SPTBN4: variants seen among roughly 807,000 people sequenced by gnomAD.
The protein encoded by SPTBN4 is spectrin beta, non-erythrocytic 4, also known as spectrin beta chain, non-erythrocytic 4.
A neutral mutation model predicts 277.8 loss-of-function variants in SPTBN4; 96 were observed. The observed-to-expected ratio is 0.35, with a 90% CI of 0.29 to 0.41. The LOEUF (loss-of-function observed/expected upper bound fraction) is 0.41. Among genes scored for constraint, SPTBN4 ranks in the 10% least tolerant of loss-of-function variants. The pLI is 1.00. For synonymous variants in SPTBN4, 1,481 were observed against 1,580.3 expected (o/e 0.94, Z 1.49); for missense variants, 3,006 against 3,595.7 (o/e 0.84, Z 4.19).
intron 21 of SPTBN4, 98 bp from the exon 22 acceptor site, chr19:40,550,140 G>A: frequency 1.0e-6 from 1 of 963,606 alleles, no homozygotes. Flanking sequence ...TCTTAGGCAA[G>A]GAAGGGCCTG....
rs957696637 is a variant in SPTBN4, at chr19:40,522,346, C to T, written c.3655-1091C>T. On this transcript the variant is annotated intron_variant, in intron 16 of 35. Transcript: ENST00000598249. ...CCCAGCCTTCAGTCTTCATAGTAAC[C>T]AATTTTTTTTTTTTTTTTTTTTGAG... Among the ~76,000 whole-genome samples, 6 of 120,208 alleles carry T rather than the reference C, an allele frequency of 5.0e-5. No individual in the cohort carries two copies. The East Asian group carries it at 6.9e-4, about 14-fold the overall frequency. The allele number at this position is 120,208 out of a possible 152,430, so 78.9% of individuals were successfully genotyped here.
intron 19 of SPTBN4, 97 bp from the exon 20 acceptor site, chr19:40,533,983 A>G (rs538107054): frequency 2.8e-6 from 4 of 1,421,410 alleles, no homozygotes; most frequent in East Asian, 4.9e-5. Context: ...CTCTTTTCAC[A>G]TCCTTCCCTG....
At chr19:40,569,936 CCACACACACACACACA>C (rs60074818) in intron 32 of SPTBN4, among the ~76,000 whole-genome samples, 5 of 131,574 alleles carry the variant, frequency 3.8e-5, no homozygotes, top group South Asian at 2.5e-4. Flanking sequence ...TACTGCCCCT[CCACACACACACACACA>C]CACACACACA....
chr19:40,558,947 T>TGATGATGATGATG (rs2081013697), intron 26 of SPTBN4, among the ~76,000 whole-genome samples: 4 of 146,164 alleles, frequency 2.7e-5, no homozygotes, highest in African/African-American at 1.0e-4. Context: ...TTATTATTAT[T>TGATGATGATGATG]ATGAGGCAGA....
chr19:40,496,441 C>T (rs931636446), intron 6 of SPTBN4, among the ~76,000 whole-genome samples: 4 of 151,852 alleles, frequency 2.6e-5, no homozygotes, highest in South Asian at 2.1e-4. Flanking sequence ...TGTGCCACCA[C>T]GCCCGGCTAA....
rs1040554534 is a variant in SPTBN4, at chr19:40,501,937, T to C, written c.801T>C (p.Ala267=). Residue 267 remains alanine (A), a synonymous_variant, in exon 8 of 36, where the codon GCT becomes GCC. Coordinates refer to ENST00000598249, the MANE Select transcript of SPTBN4 (RefSeq NM_020971.3). ...LLDPEDVNME[A]PDEKSIITYV... The stretch of plus-strand genomic sequence containing the variant: ...TGCTTCCAGATGTGAACATGGAGGC[T>C]CCAGATGAGAAGTCCATCATCACCT... The C allele has an allele frequency of 6.2e-7, 1 of 1,614,162 alleles. No homozygotes were observed. The highest frequency in any genetic ancestry group is 8.5e-7 in the Non-Finnish European group (1 of 1,180,022).
intron 17 of SPTBN4, among the ~76,000 whole-genome samples, chr19:40,527,702 G>T (rs1460650804): frequency 6.6e-6 from 1 of 152,190 alleles, no homozygotes; most frequent in Non-Finnish European, 1.5e-5. Context: ...GAGTGAGGGG[G>T]AAGAGTGCAA....
intron 27 of SPTBN4, 137 bp from the exon 28 acceptor site, chr19:40,565,286 G>GAA: frequency 3.5e-6 from 4 of 1,149,302 alleles, no homozygotes; most frequent in Non-Finnish European, 4.9e-6. Context: ...GAAAAGAAAA[G>GAA]AAAAGAAAAG....
intron 12 of SPTBN4, among the ~76,000 whole-genome samples, chr19:40,505,818 G>C (rs1454654466): frequency 6.6e-6 from 1 of 152,062 alleles, no homozygotes; most frequent in African/African-American, 2.4e-5. Flanking sequence ...AAGAGAAAAG[G>C]GTAGAAATGT....
At chr19:40,548,342 T>A (rs994875709) in intron 20 of SPTBN4, among the ~76,000 whole-genome samples, 1 of 151,774 alleles carries the variant, frequency 6.6e-6, no homozygotes, top group Non-Finnish European at 1.5e-5. Context: ...ACAAAAAAAA[T>A]TAGCAAGGCA....
At chr19:40,467,919 T>C (rs2079844621) in intron 1 of SPTBN4, among the ~76,000 whole-genome samples, 1 of 152,074 alleles carries the variant, frequency 6.6e-6, no homozygotes, top group Admixed American at 6.6e-5. Context: ...TCTGTCTGAC[T>C]CCAGAAGAGG....
rs139532514 is a variant in SPTBN4, at chr19:40,550,372, A to C, written c.4674+45A>C. ...GGAGCGAGTTAGGACATTTGGATAC[A>C]TGTGATAGAAACAGCTGAAGGTGGT... On this transcript the variant is annotated intron_variant, in intron 22 of 35. Transcript: ENST00000598249. 1.9e-6 allele frequency: 3 copies of C among 1,576,132 alleles called. No individual in the cohort carries two copies. The African/African-American group carries it at 4.0e-5, about 21-fold the overall frequency.
chr19:40,502,148 G>A lies in SPTBN4; in HGVS notation c.918G>A (p.Glu306=), dbSNP rs749633534. ...RIGKVLDQVL[E]VGKIIERYEE... is the part of the protein sequence containing the mutation. Reference sequence around the variant, plus strand: ...GTCAGGTCTTGGACCAGGTATTGGAGGTGGGGAAGATCATAGAACGCTACG... The same window carrying A: ...GTCAGGTCTTGGACCAGGTATTGGAAGTGGGGAAGATCATAGAACGCTACG... The change falls in exon 9 of 36, where the codon GAG becomes GAA. Residue 306 remains glutamate (E), a synonymous_variant. Coordinates refer to ENST00000598249, the MANE Select transcript of SPTBN4 (RefSeq NM_020971.3). The surrounding 1 kb of genome is among the most constrained non-coding windows in gnomAD (Gnocchi z 4.9). The A allele has an allele frequency of 3.1e-6, 5 of 1,613,856 alleles. No individual in the cohort carries two copies. In the South Asian group the frequency reaches 5.5e-5, roughly 18 times the overall value.
chr19:40,547,894 C>T (rs567050624), intron 20 of SPTBN4, among the ~76,000 whole-genome samples: 1 of 152,102 alleles, frequency 6.6e-6, no homozygotes, highest in Non-Finnish European at 1.5e-5. Context: ...TTTTCTCCAT[C>T]CCAACATTAT....
chr19:40,522,968 C>T (rs1289213570), intron 16 of SPTBN4, among the ~76,000 whole-genome samples: 2 of 151,946 alleles, frequency 1.3e-5, no homozygotes, highest in Admixed American at 1.3e-4. Flanking sequence ...CCCGTCTCTA[C>T]CAAAAATACA....
chr19:40,545,977 A>T (rs2080854333), intron 20 of SPTBN4, among the ~76,000 whole-genome samples: 3 of 150,568 alleles, frequency 2.0e-5, no homozygotes, highest in Admixed American at 6.7e-5. Context: ...CAGGAGGCAG[A>T]GCTTGGAGCT....
At chr19:40,572,891 G>A (rs1438801759) in intron 35 of SPTBN4, among the ~76,000 whole-genome samples, 3 of 152,124 alleles carry the variant, frequency 2.0e-5, no homozygotes, top group African/African-American at 7.2e-5. Flanking sequence ...CCTGGAAGGC[G>A]GAGGTTGCAG....
In SPTBN4 at chr19:40,494,960, C is replaced by T. The variant is rs2080179641; in HGVS notation, c.651C>T (p.Ala217=). ...TSWRDGLAFN[A]LIHRHRPDLV... The stretch of plus-strand genomic sequence containing the variant: ...GGCGGGATGGCTTGGCCTTCAATGC[C>T]CTCATTCACCGGCACAGGTACCACC... Residue 217 remains alanine (A), a synonymous_variant, in exon 6 of 36, where the codon GCC becomes GCT. Coordinates refer to ENST00000598249, the MANE Select transcript of SPTBN4 (RefSeq NM_020971.3). 1 of 1,614,164 alleles carries T rather than the reference C, an allele frequency of 6.2e-7. No individual in the cohort carries two copies. Among genetic ancestry groups the T allele is most frequent in the Middle Eastern group, 1.6e-4 (1 of 6,062 alleles).
In SPTBN4 at chr19:40,512,888, A is replaced by G; in HGVS notation, c.2099A>G (p.Gln700Arg). The G allele has an allele frequency of 6.9e-7, 1 of 1,443,102 alleles. No homozygotes were observed. Among genetic ancestry groups the G allele is most frequent in the Admixed American group, 3.0e-5 (1 of 33,338 alleles). The allele number at this position is 1,443,102 out of a possible 1,614,324, so 89.4% of individuals were successfully genotyped here. ...TCCAGCACAGCGCGCCTCCTGGCCC[A>G]GCACAAGATCCTGCAGGGCGAGCTG... ...DLSSTARLLA[Q>R]HKILQGELGG... is the part of the protein sequence containing the mutation. The change falls in exon 14 of 36, where the codon CAG becomes CGG. Residue 700 changes from glutamine (Q) to arginine (R), a missense_variant. By Grantham distance (43) the Gln-to-Arg change is conservative. This residue lies in a region of SPTBN4 where 1,759 missense variants were observed against 2,061.5 expected (regional missense o/e 0.85). Coordinates refer to ENST00000598249, the MANE Select transcript of SPTBN4 (RefSeq NM_020971.3).
Sources: allele counts gnomAD v4.1 joint callset (sites outside exome capture counted in the v4.1 genomes callset), GRCh38; gene constraint gnomAD v4.1.1; regional missense constraint gnomAD v4.1.1; non-coding constraint Gnocchi (gnomAD v3.1); transcripts MANE v1.5; gene names NCBI Gene and HGNC (gene_info 2026-07-23, HGNC 2026-07-21).